Variants in SCIN observed in about 807,000 individuals in gnomAD.
The protein encoded by SCIN is adseverin.
In SCIN, 91 loss-of-function variants were observed where a neutral mutation model predicts 91.8. That is an observed-to-expected ratio of 0.99 (90% confidence interval 0.84 to 1.18). The LOEUF (loss-of-function observed/expected upper bound fraction) is 1.18, where lower values mean the gene tolerates loss of function less well. SCIN is among the 50% of genes most tolerant of loss of function. The pLI is 0.00. For missense variants in SCIN, 1,087 were observed against 863.9 expected (o/e 1.26, Z -3.24); for synonymous variants, 367 against 312.6 (o/e 1.17, Z -1.84).
rs1358029659 is a variant in SCIN, at chr7:12,659,161, T to A, written c.*6446T>A. On this transcript the variant is annotated 3_prime_UTR_variant, in exon 16 of 16. Transcript: ENST00000297029. ...TAAGTAGAGACGGAGTTTTGCCATG[T>A]TGGCCAGGCTGGTCTTGAACTCCTG... 1 of 152,300 alleles carries A rather than the reference T, an allele frequency of 6.6e-6. No homozygotes were observed. The allele number at this position is 152,300 out of a possible 1,614,324, so 9.4% of individuals were successfully genotyped here.
rs945418874 is a variant in SCIN at position 12,604,537 on chromosome 7, C to T, written c.540C>T (p.Ser180=). ...AGGAAATTTATCAGTGGTGTGGTTC[C>T]TCGTGCAACAAATATGAACGTCTGA... The part of the protein sequence containing the change: ...LGTEIYQWCG[S]SCNKYERLKA... The change falls in exon 4 of 16, where the codon TCC becomes TCT. Residue 180 remains serine (S), a synonymous_variant. Transcript: ENST00000297029. The T allele has an allele frequency of 6.4e-7, 1 of 1,551,470 alleles. No homozygotes were observed. The highest frequency in any genetic ancestry group is 1.4e-5 in the African/African-American group (1 of 72,942).
intron 1 of SCIN, among the ~76,000 whole-genome samples, chr7:12,573,072 G>A (rs1395974853): frequency 6.6e-6 from 1 of 152,148 alleles, no homozygotes; most frequent in Non-Finnish European, 1.5e-5. Flanking sequence ...GAGAAAAAAA[G>A]CTTCAAGTAA....
chr7:12,581,001 C>A (rs1782475926), intron 2 of SCIN, 59 bp from the exon 3 acceptor site: 2 of 1,512,228 alleles, frequency 1.3e-6, no homozygotes, highest in Non-Finnish European at 1.8e-6. Context: ...TTTGTCTAGG[C>A]AGACACCTCA....
At chr7:12,631,651 A>G (rs1783645598) in intron 9 of SCIN, among the ~76,000 whole-genome samples, 1 of 152,202 alleles carries the variant, frequency 6.6e-6, no homozygotes. Flanking sequence ...GCACTGCCTC[A>G]GGAGTCTGCA....
chr7:12,632,720 A>G (rs942666461), intron 9 of SCIN, among the ~76,000 whole-genome samples: 12 of 152,218 alleles, frequency 7.9e-5, no homozygotes, highest in African/African-American at 2.9e-4. Flanking sequence ...TCCTGAGATT[A>G]AAAATCTTAA....
At position 12,586,077 on chromosome 7, in the gene SCIN, A is replaced by G. The variant is rs192830233; in HGVS notation, c.516+4856A>G. Among the ~76,000 whole-genome samples the G allele has an allele frequency of 1.1e-3, 168 of 152,286 alleles. 2 individuals carry two copies. Among genetic ancestry groups the G allele is most frequent in the African/African-American group, 3.8e-3 (156 of 41,570 alleles). Reference sequence around the variant, plus strand: ...TTTTATATTGCTTGTCCATTTACTTATCAGCCTTCCTCACTCACTGTGTTT... The same window carrying G: ...TTTTATATTGCTTGTCCATTTACTTGTCAGCCTTCCTCACTCACTGTGTTT... On this transcript the variant is annotated intron_variant, in intron 3 of 15. Coordinates refer to ENST00000297029, the MANE Select transcript of SCIN (RefSeq NM_001112706.3).
chr7:12,598,978 T>G (rs558013214), intron 3 of SCIN, among the ~76,000 whole-genome samples: 47 of 152,364 alleles, frequency 3.1e-4, no homozygotes, highest in African/African-American at 1.1e-3. Flanking sequence ...GCATTCTGAC[T>G]TTTAGCCATT....
Position 12,652,856 on chromosome 7 carries a change from C to A in SCIN, c.*141C>A, listed in dbSNP as rs985770949. ...CGGTGGCTCACACCTGTAATCCCAG[C>A]ACTTTGAGAGGATGAGGTAGGCGGA... On this transcript the variant is annotated 3_prime_UTR_variant, in exon 16 of 16. Coordinates refer to ENST00000297029, the MANE Select transcript of SCIN (RefSeq NM_001112706.3). The A allele has an allele frequency of 8.7e-5, 86 of 985,992 alleles. No homozygotes were observed. Among genetic ancestry groups the A allele is most frequent in the Non-Finnish European group, 1.2e-4 (84 of 680,230 alleles). The allele number at this position is 985,992 out of a possible 1,614,324, so 61.1% of individuals were successfully genotyped here. A position where few individuals can be genotyped will look rare whatever the true frequency, so the allele number is the denominator to read the frequency against.
At chr7:12,617,857 G>T (rs369012905) in intron 4 of SCIN, among the ~76,000 whole-genome samples, 4 of 152,240 alleles carry the variant, frequency 2.6e-5, no homozygotes, top group East Asian at 3.9e-4. Context: ...AGCCCAGATG[G>T]TTCTAATATG....
rs74569342 is a variant in SCIN, at chr7:12,572,001, C to T, written c.199+1016C>T. On this transcript the variant is annotated intron_variant, in intron 1 of 15. Transcript: ENST00000297029. The stretch of plus-strand genomic sequence containing the variant: ...AGTACTCGTGTTTGTTTAGTTTTAT[C>T]CCTGAGCTTAGGAGGAAAACACACA... Among the ~76,000 whole-genome samples the T allele has an allele frequency of 7.2e-3, 1,095 of 152,244 alleles. 24 individuals carry two copies. The South Asian group carries it at 0.074, about 10-fold the overall frequency.
At chr7:12,590,236 T>C (rs1352143507) in intron 3 of SCIN, among the ~76,000 whole-genome samples, 1 of 152,204 alleles carries the variant, frequency 6.6e-6, no homozygotes, top group Non-Finnish European at 1.5e-5. Context: ...AGAAGGTGTC[T>C]ATAAGAGTAA....
At chr7:12,605,387 T>C (rs1339654601) in intron 4 of SCIN, among the ~76,000 whole-genome samples, 1 of 152,132 alleles carries the variant, frequency 6.6e-6, no homozygotes, top group Non-Finnish European at 1.5e-5. Flanking sequence ...TTTTCTTCAA[T>C]TTTAAAATTA....
chr7:12,624,100 C>T (rs927435563), intron 5 of SCIN, among the ~76,000 whole-genome samples: 1 of 152,136 alleles, frequency 6.6e-6, no homozygotes, highest in African/African-American at 2.4e-5. Context: ...TGGAGCTATG[C>T]TGTATTACAT....
intron 11 of SCIN, among the ~76,000 whole-genome samples, chr7:12,642,437 C>T (rs976710441): frequency 3.4e-4 from 51 of 151,978 alleles, no homozygotes; most frequent in African/African-American, 1.2e-3. Flanking sequence ...AAAACTGTGT[C>T]TTGACCTTGA....
chr7:12,625,431 C>CTTTTTTT lies in SCIN; in HGVS notation c.892+303_892+309dup, dbSNP rs10656602. On this transcript the variant is annotated intron_variant, in intron 6 of 15. Transcript: ENST00000297029. ...AATATACCAGGAAATTTTTGCTATT[C>CTTTTTTT]TTTTTTTTTTTTTTTTTTTTCCGTC... is the stretch of plus-strand genomic sequence containing the variant. 4.8e-4 allele frequency among the ~76,000 whole-genome samples: 47 copies of CTTTTTTT among 97,456 alleles called. 1 individual carries two copies. The highest frequency in any genetic ancestry group is 8.6e-4 in the East Asian group (3 of 3,488). 63.9% of individuals were successfully genotyped at this position (97,456 alleles called of 152,430 possible).
chr7:12,636,100 C>G lies in SCIN; in HGVS notation c.1375C>G (p.Gln459Glu). ...GACAACATCTGCGTTCCTGACTGTT[C>G]AGTTGGATCGGTCCCTTGGAGGACA... ...ELTTSAFLTV[Q>E]LDRSLGGQAV... The change falls in exon 10 of 16, where the codon CAG becomes GAG. Residue 459 changes from glutamine (Q) to glutamate (E), a missense_variant. Gln to Glu is a conservative substitution (Grantham distance 29). Coordinates refer to ENST00000297029, the MANE Select transcript of SCIN (RefSeq NM_001112706.3). 1.2e-6 allele frequency: 2 copies of G among 1,613,062 alleles called. No homozygotes were observed. Among genetic ancestry groups the G allele is most frequent in the Non-Finnish European group, 1.7e-6 (2 of 1,179,602 alleles).
intron 4 of SCIN, among the ~76,000 whole-genome samples, chr7:12,611,907 A>G (rs1783199877): frequency 6.8e-6 from 1 of 147,100 alleles, no homozygotes; most frequent in African/African-American, 2.5e-5. Context: ...TGGGCAACAT[A>G]AAGTAACCCT....
At chr7:12,608,326 C>T (rs951626106) in intron 4 of SCIN, among the ~76,000 whole-genome samples, 17 of 149,470 alleles carry the variant, frequency 1.1e-4, no homozygotes, top group Non-Finnish European at 7.4e-5. Context: ...CACATGCACA[C>T]ACACACACAC....
At chr7:12,620,971 T>A (rs1783395502) in intron 4 of SCIN, among the ~76,000 whole-genome samples, 1 of 152,110 alleles carries the variant, frequency 6.6e-6, no homozygotes, top group Admixed American at 6.6e-5. Flanking sequence ...TCAAAATATA[T>A]GTTATTTCAC....
Sources: gnomAD v4.1 joint callset for allele counts (sites outside exome capture counted in the v4.1 genomes callset) on GRCh38, gnomAD v4.1.1 for gene constraint, MANE v1.5 for transcripts, NCBI Gene and HGNC (gene_info 2026-07-23, HGNC 2026-07-21) for gene names.